The following NUDC variants were observed in gnomAD, a reference collection of about 807,000 sequenced individuals.
NUDC encodes the protein nuclear migration protein nudC.
Under a neutral mutation model 45.0 loss-of-function variants are expected in NUDC, and 14 were observed. The observed-to-expected ratio is 0.31, with a 90% CI of 0.21 to 0.49. The LOEUF (loss-of-function observed/expected upper bound fraction) is 0.49. Among genes scored for constraint, NUDC ranks in the 20% least tolerant of loss-of-function variants. NUDC has a pLI of 0.99. For synonymous variants in NUDC, 153 were observed against 156.7 expected (o/e 0.98, Z 0.17); for missense variants, 323 against 426.2 (o/e 0.76, Z 2.13).
chr1:26,942,776 C>A lies in NUDC; in HGVS notation c.546C>A (p.Asp182Glu). 6.2e-7 allele frequency: 1 copy of A among 1,614,214 alleles called. No individual in the cohort carries two copies. Among genetic ancestry groups the A allele is most frequent in the Non-Finnish European group, 8.5e-7 (1 of 1,180,034 alleles). The change falls in exon 5 of 9, where the codon GAC becomes GAA. Residue 182 changes from aspartate to glutamate, a missense_variant and splice_region_variant. This residue lies in a region of NUDC where 245 missense variants were observed against 278.8 expected (regional missense o/e 0.88). Transcript: ENST00000321265. ...GGACCCAGACCCTGTCGGAGCTGGA[C>A]GTGAGTGTCAGGGACCAGAGGTAAA... ...YRWTQTLSEL[D>E]LAVPFCVNFR...
At chr1:26,926,192 A>G (rs952261826) in intron 2 of NUDC, among the ~76,000 whole-genome samples, 2 of 152,164 alleles carry the variant, frequency 1.3e-5, no homozygotes, top group Admixed American at 6.6e-5. Context: ...CATTATCTTT[A>G]TAATAGACAT....
upstream of NUDC, among the ~76,000 whole-genome samples, chr1:26,916,882 G>C (rs2082064341): frequency 6.6e-6 from 1 of 152,168 alleles, no homozygotes; most frequent in Non-Finnish European, 1.5e-5. Flanking sequence ...TTGAATCCAG[G>C]AGGGCAAGGC....
upstream of NUDC, among the ~76,000 whole-genome samples, chr1:26,918,807 C>T (rs915021525): frequency 5.9e-5 from 9 of 151,874 alleles, no homozygotes; most frequent in Non-Finnish European, 1.2e-4. Flanking sequence ...AACTCCCGAC[C>T]TCAGGTGATC....
intron 1 of NUDC, among the ~76,000 whole-genome samples, chr1:26,901,949 G>C (rs551553635): frequency 6.6e-6 from 1 of 152,200 alleles, no homozygotes; most frequent in Admixed American, 6.5e-5. Context: ...AAGTTGGCAA[G>C]ACCCTTGTCT....
chr1:26,913,640 C>A (rs1418138130), intron 3 of NUDC: 2 of 1,613,660 alleles, frequency 1.2e-6, no homozygotes, highest in Non-Finnish European at 1.7e-6. Flanking sequence ...GCATCTTGGG[C>A]CAACCCAAGC....
intron 2 of NUDC, among the ~76,000 whole-genome samples, chr1:26,933,873 G>A (rs967714390): frequency 3.9e-5 from 6 of 152,154 alleles, no homozygotes; most frequent in Admixed American, 1.3e-4. Flanking sequence ...AGAGGATTAC[G>A]GCTGGGCACG....
upstream of NUDC, among the ~76,000 whole-genome samples, chr1:26,917,898 A>G (rs930974196): frequency 1.4e-4 from 21 of 152,020 alleles, no homozygotes; most frequent in South Asian, 2.1e-4. Context: ...AAAAAAAAAA[A>G]AAGAAGAAGA....
At position 26,906,542 on chromosome 1, in the gene NUDC, G is replaced by A. The variant is rs546278220; in HGVS notation, c.-16+4176G>A. Among the ~76,000 whole-genome samples, 68 of 151,984 alleles carry A rather than the reference G, an allele frequency of 4.5e-4. No homozygotes were observed. In the South Asian group the frequency reaches 6.6e-3, roughly 15 times the overall value. ...CCATAATCCAGGAAATGTGTTTAGA[G>A]CACAGCTCTCAATAAATGTTACGTG... On this transcript the variant is annotated intron_variant, in intron 2 of 6. Transcript: ENST00000435827.
intron 2 of NUDC, among the ~76,000 whole-genome samples, chr1:26,936,683 CCT>C (rs1339906122): frequency 6.6e-6 from 1 of 152,068 alleles, no homozygotes. Context: ...ACACAAGAGA[CCT>C]CTTTTTTCCT....
chr1:26,925,120 A>T (rs2082120438), intron 2 of NUDC, among the ~76,000 whole-genome samples: 2 of 151,644 alleles, frequency 1.3e-5, no homozygotes, highest in South Asian at 2.1e-4. Context: ...ACCTCAAGTG[A>T]TCCACCCACC....
intron 2 of NUDC, among the ~76,000 whole-genome samples, chr1:26,907,036 T>C (rs1005726907): frequency 1.3e-5 from 2 of 152,116 alleles, no homozygotes; most frequent in African/African-American, 2.4e-5. Context: ...ACCAGTTTCA[T>C]TGGGATTTCC....
At chr1:26,943,253 G>A (rs1426099207) in intron 6 of NUDC, among the ~76,000 whole-genome samples, 188 bp downstream of exon 6, 1 of 152,128 alleles carries the variant, frequency 6.6e-6, no homozygotes, top group East Asian at 1.9e-4. Context: ...TGTTGCCCAG[G>A]CTGAAGTGCA....
chr1:26,913,392 A>C, intron 3 of NUDC: 1 of 1,612,752 alleles, frequency 6.2e-7, no homozygotes, highest in Non-Finnish European at 8.5e-7. Context: ...CCCACCCAGG[A>C]GTGTCTGGGA....
chr1:26,911,844 G>A, intron 3 of NUDC: 2 of 1,614,164 alleles, frequency 1.2e-6, no homozygotes, highest in African/African-American at 1.3e-5. Flanking sequence ...GCTGGAACAG[G>A]TCACCTGAGC....
At chr1:26,934,416 C>CAAGGTGAG (rs948941230) in intron 2 of NUDC, among the ~76,000 whole-genome samples, 60 of 152,276 alleles carry the variant, frequency 3.9e-4, no homozygotes, top group African/African-American at 1.4e-3. Flanking sequence ...AATTACAATT[C>CAAGGTGAG]AAGGTGAGAT....
intron 2 of NUDC, among the ~76,000 whole-genome samples, chr1:26,930,398 G>A (rs1447320534): frequency 6.6e-6 from 1 of 152,190 alleles, no homozygotes; most frequent in Non-Finnish European, 1.5e-5. Context: ...TTGAATTTCT[G>A]ATTCTGATCT....
intron 2 of NUDC, among the ~76,000 whole-genome samples, chr1:26,926,611 T>C (rs1392358781): frequency 6.6e-6 from 1 of 152,144 alleles, no homozygotes; most frequent in Non-Finnish European, 1.5e-5. Flanking sequence ...CTTTCTTTTT[T>C]TTTTTGACAC....
At chr1:26,912,120 C>T (rs1185385795) in intron 3 of NUDC, 5 of 1,611,112 alleles carry the variant, frequency 3.1e-6, no homozygotes, top group African/African-American at 2.7e-5. Flanking sequence ...GGCTGGTGAG[C>T]ACCCTACTCC....
At chr1:26,937,895 T>C (rs564732190) in intron 2 of NUDC, among the ~76,000 whole-genome samples, 121 of 152,234 alleles carry the variant, frequency 7.9e-4, no homozygotes, top group Non-Finnish European at 1.6e-3. Context: ...GTGATCTGTC[T>C]GCCTCTGCTT....
Sources: allele counts gnomAD v4.1 joint callset (sites outside exome capture counted in the v4.1 genomes callset), GRCh38; gene constraint gnomAD v4.1.1; regional missense constraint gnomAD v4.1.1; transcripts MANE v1.5; gene names NCBI Gene and HGNC (gene_info 2026-07-23, HGNC 2026-07-21).